SLC5A4: variants seen among roughly 807,000 people sequenced by gnomAD.
SLC5A4 encodes the protein probable glucose sensor protein SLC5A4.
A neutral mutation model predicts 70.3 loss-of-function variants in SLC5A4; 55 were observed. The observed-to-expected ratio is 0.78, with a 90% CI of 0.63 to 0.98. The LOEUF is 0.98. Among genes scored for constraint, SLC5A4 ranks in the 50% least tolerant of loss-of-function variants. The pLI, the probability that SLC5A4 is intolerant of heterozygous loss-of-function variation, is 0.00. For missense variants in SLC5A4, 735 were observed against 839.2 expected, an observed-to-expected ratio of 0.88 and a Z score of 1.53; for synonymous variants, 268 against 305.7, an observed-to-expected ratio of 0.88 and a Z score of 1.29.
the SLC5A4 span, among the ~76,000 whole-genome samples, chr22:32,344,721 C>G: frequency 1.3e-5 from 2 of 152,062 alleles, no homozygotes; most frequent in African/African-American, 4.8e-5. Context: ...TTTATGGCAA[C>G]TTTTAGAATG....
the SLC5A4 span, among the ~76,000 whole-genome samples, chr22:32,262,682 G>A: frequency 6.6e-6 from 1 of 152,138 alleles, no homozygotes; most frequent in Non-Finnish European, 1.5e-5. Context: ...TGGGATACAT[G>A]TACAGAACAT....
the SLC5A4 span, chr22:32,269,884 T>C: frequency 2.3e-5 from 13 of 577,008 alleles, 1 homozygote; most frequent in Non-Finnish European, 4.4e-5. The surrounding 1 kb of genome is among the most constrained non-coding windows in gnomAD (Gnocchi z 4.1). Context: ...AGCGTCCGAG[T>C]GTTCCACTTT....
the SLC5A4 span, among the ~76,000 whole-genome samples, chr22:32,325,669 T>G: frequency 7.9e-5 from 12 of 152,374 alleles, no homozygotes; most frequent in East Asian, 2.1e-3. Flanking sequence ...GGGTCCTGAT[T>G]ATCTCCTCTG....
At chr22:32,301,058 GT>G in the SLC5A4 span, among the ~76,000 whole-genome samples, 1 of 152,134 alleles carries the variant, frequency 6.6e-6, no homozygotes, top group East Asian at 1.9e-4. Flanking sequence ...CACCTCCCAG[GT>G]TCAAGCAGTT....
chr22:32,272,133 C>T, the SLC5A4 span: 1 of 681,256 alleles, frequency 1.5e-6, no homozygotes, highest in Non-Finnish European at 2.7e-6. Flanking sequence ...GCAAGGAGAC[C>T]AGGTCAGGCT....
chr22:32,251,762 T>A lies in SLC5A4; in HGVS notation c.312+8A>T. ...GATTTGAAGGAAAAAGCCTATGATGTCACTTACAGTCCATTCAAATGTTAC... is the reference window on the plus strand; with the variant it reads ...GATTTGAAGGAAAAAGCCTATGATGACACTTACAGTCCATTCAAATGTTAC... On this transcript the variant is annotated splice_region_variant and intron_variant, in intron 3 of 14. Coordinates refer to ENST00000266086, the MANE Select transcript of SLC5A4 (RefSeq NM_014227.3). The A allele has an allele frequency of 1.3e-6, 2 of 1,546,478 alleles. No individual in the cohort carries two copies. Among genetic ancestry groups the A allele is most frequent in the Non-Finnish European group, 1.8e-6 (2 of 1,118,260 alleles).
At chr22:32,278,605 A>G in the SLC5A4 span, among the ~76,000 whole-genome samples, 1 of 152,238 alleles carries the variant, frequency 6.6e-6, no homozygotes, top group African/African-American at 2.4e-5. Context: ...CTCTAAATCA[A>G]ACAAATATTT....
the SLC5A4 span, among the ~76,000 whole-genome samples, chr22:32,341,254 G>A: frequency 6.6e-6 from 1 of 152,102 alleles, no homozygotes; most frequent in East Asian, 1.9e-4. Context: ...GGGAGTGGGT[G>A]GAGATGAGAG....
chr22:32,313,059 A>T, the SLC5A4 span, among the ~76,000 whole-genome samples: 2 of 152,254 alleles, frequency 1.3e-5, no homozygotes, highest in Non-Finnish European at 2.9e-5. Flanking sequence ...GGCAAGAAAA[A>T]AAAGCATAGA....
chr22:32,294,223 T>C, the SLC5A4 span, among the ~76,000 whole-genome samples: 1 of 152,232 alleles, frequency 6.6e-6, no homozygotes, highest in Non-Finnish European at 1.5e-5. Context: ...GACTGCTAAG[T>C]ACTTTTCTGT....
chr22:32,221,500 C>A (rs1057040833), intron 13 of SLC5A4, among the ~76,000 whole-genome samples: 1 of 152,146 alleles, frequency 6.6e-6, no homozygotes, highest in Admixed American at 6.5e-5. Flanking sequence ...GCAATTAGTA[C>A]CCTTACACAC....
the SLC5A4 span, among the ~76,000 whole-genome samples, chr22:32,268,967 C>T: frequency 6.6e-6 from 1 of 151,308 alleles, no homozygotes; most frequent in South Asian, 2.1e-4. Context: ...GTGATCTCGG[C>T]TTACTGCACG....
chr22:32,293,914 T>C, the SLC5A4 span, among the ~76,000 whole-genome samples: 1 of 152,310 alleles, frequency 6.6e-6, no homozygotes, highest in South Asian at 2.1e-4. Context: ...CTGTTTGATA[T>C]AGTAGTATAA....
chr22:32,315,983 A>C, the SLC5A4 span, among the ~76,000 whole-genome samples: 1 of 152,040 alleles, frequency 6.6e-6, no homozygotes, highest in Non-Finnish European at 1.5e-5. Flanking sequence ...CCTGGCCAAC[A>C]TGATGAAACC....
intron 7 of SLC5A4, among the ~76,000 whole-genome samples, chr22:32,236,071 G>A (rs1477898023): frequency 6.6e-6 from 1 of 152,170 alleles, no homozygotes; most frequent in Non-Finnish European, 1.5e-5. Flanking sequence ...GCCAGAGAGT[G>A]CATCACTGAG....
chr22:32,333,818 C>T, the SLC5A4 span, among the ~76,000 whole-genome samples: 1 of 150,802 alleles, frequency 6.6e-6, no homozygotes, highest in Non-Finnish European at 1.5e-5. Context: ...CAATATCACA[C>T]ACACACACCA....
chr22:32,270,062 C>T, the SLC5A4 span: 1 of 488,172 alleles, frequency 2.0e-6, no homozygotes, highest in South Asian at 1.8e-5. Flanking sequence ...GAAGAGCCTC[C>T]CTCACAGAAG....
the SLC5A4 span, chr22:32,270,994 G>A: frequency 7.6e-6 from 4 of 525,902 alleles, no homozygotes; most frequent in Non-Finnish European, 1.4e-5. Flanking sequence ...TGGAGGCCGA[G>A]AGCCTGGGCT....
At position 32,247,460 on chromosome 22, in the gene SLC5A4, A is replaced by C; in HGVS notation, c.428T>G (p.Val143Gly). 6.2e-7 allele frequency: 1 copy of C among 1,613,892 alleles called. No homozygotes were observed. The highest frequency in any genetic ancestry group is 8.5e-7 in the Non-Finnish European group (1 of 1,179,828). Reference sequence around the variant, plus strand: ...GAAGAGGGAGAGGATGGAGAGGTAGACCTGGAGTCGCTCCCCACCAAACCG... The same window carrying C: ...GAAGAGGGAGAGGATGGAGAGGTAGCCCTGGAGTCGCTCCCCACCAAACCG... The part of the protein sequence containing the change: ...KKRFGGERLQ[V>G]YLSILSLFIC... Residue 143 changes from valine (V) to glycine (G), a missense_variant, in exon 5 of 15, where the codon GTC becomes GGC. By Grantham distance (109) the Val-to-Gly change is moderately radical (BLOSUM62 -3). Transcript: ENST00000266086.
Sources: allele counts gnomAD v4.1 joint callset (sites outside exome capture counted in the v4.1 genomes callset), GRCh38; gene constraint gnomAD v4.1.1; non-coding constraint Gnocchi (gnomAD v3.1); transcripts MANE v1.5; gene names NCBI Gene and HGNC (gene_info 2026-07-23, HGNC 2026-07-21).